Variants in HS3ST4 observed in about 807,000 individuals in gnomAD.
The protein encoded by HS3ST4 is heparan sulfate-glucosamine 3-sulfotransferase 4, also known as heparan sulfate glucosamine 3-O-sulfotransferase 4.
Under a neutral mutation model 29.2 loss-of-function variants are expected in HS3ST4, and 17 were observed. That is an observed-to-expected ratio of 0.58 (90% CI 0.40 to 0.87). HS3ST4 has a LOEUF of 0.87. HS3ST4 is among the 40% of genes least tolerant of loss of function. The pLI is 0.00. For synonymous variants in HS3ST4, 314 were observed against 285.7 expected (o/e 1.10, Z -1.00); for missense variants, 627 against 634.5 (o/e 0.99, Z 0.13).
chr16:26,012,447 T>C (rs1398667773), intron 1 of HS3ST4, among the ~76,000 whole-genome samples: 1 of 152,200 alleles, frequency 6.6e-6, no homozygotes, highest in Non-Finnish European at 1.5e-5. Flanking sequence ...GAACTGAAGA[T>C]TTCCTGAAAT....
At chr16:25,734,911 C>T (rs1248505550) in intron 1 of HS3ST4, among the ~76,000 whole-genome samples, 12 of 152,168 alleles carry the variant, frequency 7.9e-5, no homozygotes, top group Non-Finnish European at 8.8e-5. Flanking sequence ...CATCATTCCT[C>T]CTGGGGACAC....
At chr16:25,872,363 A>G (rs1967764040) in intron 1 of HS3ST4, among the ~76,000 whole-genome samples, 1 of 152,152 alleles carries the variant, frequency 6.6e-6, no homozygotes, top group Non-Finnish European at 1.5e-5. Flanking sequence ...ACCACCCTGA[A>G]CTTCGTGGCT....
In HS3ST4 at chr16:26,119,309, G is replaced by A. The variant is rs549173286; in HGVS notation, c.735-16303G>A. Among the ~76,000 whole-genome samples, 210 of 152,340 alleles carry A rather than the reference G, an allele frequency of 1.4e-3. 1 individual carries two copies. Among genetic ancestry groups the A allele is most frequent in the African/African-American group, 4.8e-3 (200 of 41,570 alleles). ...AGAGATGGGCCATTAGAGCAGTCAAGGCTGGAGAAGGCAGTGCTGTAGACA... is the reference window on the plus strand; with the variant it reads ...AGAGATGGGCCATTAGAGCAGTCAAAGCTGGAGAAGGCAGTGCTGTAGACA... On this transcript the variant is annotated intron_variant, in intron 1 of 1. Transcript: ENST00000331351.
chr16:26,086,419 G>A (rs545511971), intron 1 of HS3ST4, among the ~76,000 whole-genome samples: 1 of 151,166 alleles, frequency 6.6e-6, no homozygotes, highest in South Asian at 2.1e-4. Flanking sequence ...GCACGATCTC[G>A]GCTCACTGCA....
intron 1 of HS3ST4, among the ~76,000 whole-genome samples, chr16:26,031,397 T>C (rs1969529651): frequency 6.6e-6 from 1 of 152,188 alleles, no homozygotes; most frequent in African/African-American, 2.4e-5. Flanking sequence ...GACTCATTTC[T>C]ATTGGAATAA....
At chr16:25,828,288 CTTTCTTTCTTT>C (rs1967250546) in intron 1 of HS3ST4, among the ~76,000 whole-genome samples, 9 of 88,474 alleles carry the variant, frequency 1.0e-4, no homozygotes, top group South Asian at 9.3e-4. Context: ...TTCTTTCTTT[CTTTCTTTCTTT>C]CCCTCTCTCT....
chr16:26,107,264 C>T (rs575631052), intron 1 of HS3ST4, among the ~76,000 whole-genome samples: 1 of 151,790 alleles, frequency 6.6e-6, no homozygotes, highest in East Asian at 1.9e-4. Flanking sequence ...CACACACACA[C>T]ATATATATGT....
chr16:25,762,881 A>AAG (rs1374053172), intron 1 of HS3ST4, among the ~76,000 whole-genome samples: 1 of 138,702 alleles, frequency 7.2e-6, no homozygotes, highest in East Asian at 2.0e-4. Flanking sequence ...TGTCTCAAAA[A>AAG]AAAAAAAAAA....
intron 1 of HS3ST4, among the ~76,000 whole-genome samples, chr16:26,014,007 AAAATAAATAAATAAAT>A (rs142700276): frequency 1.4e-5 from 2 of 145,648 alleles, no homozygotes; most frequent in Non-Finnish European, 3.0e-5. Flanking sequence ...ACTCTGTCTC[AAAATAAATAAATAAAT>A]AAATAAATAA....
At chr16:25,864,417 G>A (rs982578887) in intron 1 of HS3ST4, among the ~76,000 whole-genome samples, 3 of 151,776 alleles carry the variant, frequency 2.0e-5, no homozygotes, top group African/African-American at 7.3e-5. Flanking sequence ...TTTAAAAGTA[G>A]TGACCAAACA....
intron 1 of HS3ST4, among the ~76,000 whole-genome samples, chr16:26,053,411 A>C (rs552328056): frequency 3.9e-5 from 6 of 152,336 alleles, no homozygotes; most frequent in African/African-American, 7.2e-5. Context: ...ATATACAGCA[A>C]CTTCCAGAAG....
At chr16:26,056,603 C>G (rs983700046) in intron 1 of HS3ST4, among the ~76,000 whole-genome samples, 4 of 152,164 alleles carry the variant, frequency 2.6e-5, no homozygotes, top group African/African-American at 9.7e-5. Flanking sequence ...TGACCTTTAC[C>G]TAATGTGTGC....
chr16:26,050,709 G>A (rs976288455), intron 1 of HS3ST4, among the ~76,000 whole-genome samples: 7 of 152,132 alleles, frequency 4.6e-5, no homozygotes, highest in East Asian at 1.9e-4. Context: ...TGCGTCCAGC[G>A]GACAGAGGCA....
chr16:26,020,472 A>G (rs1338177081), intron 1 of HS3ST4, among the ~76,000 whole-genome samples: 3 of 152,242 alleles, frequency 2.0e-5, no homozygotes, highest in African/African-American at 7.2e-5. Flanking sequence ...CAGAAAGAGC[A>G]GCGCTGTGAC....
rs541995124 is a variant in HS3ST4, at chr16:25,762,892, A to G, written c.734+69741A>G. On this transcript the variant is annotated intron_variant, in intron 1 of 1. Coordinates refer to ENST00000331351, the MANE Select transcript of HS3ST4 (RefSeq NM_006040.3). ...ACCCTGTCTCAAAAAAAAAAAAAAA[A>G]AAAAAAAGAAAAAAGAAAGAAAATG... 9.2e-4 allele frequency among the ~76,000 whole-genome samples: 139 copies of G among 150,456 alleles called. 1 individual carries two copies. The highest frequency in any genetic ancestry group is 1.5e-3 in the Non-Finnish European group (104 of 67,600).
intron 1 of HS3ST4, among the ~76,000 whole-genome samples, chr16:26,121,851 G>A (rs149179898): frequency 6.6e-6 from 1 of 152,268 alleles, no homozygotes; most frequent in Admixed American, 6.5e-5. Flanking sequence ...TCTGCAGAGG[G>A]GCACTCTTTG....
In HS3ST4 at chr16:25,875,157, C is replaced by G. The variant is rs543697947; in HGVS notation, c.734+182006C>G. On this transcript the variant is annotated intron_variant, in intron 1 of 1. Coordinates refer to ENST00000331351, the MANE Select transcript of HS3ST4 (RefSeq NM_006040.3). ...AGACAGATAATTAACAGCTGAACAA[C>G]CAGATAACCAAGACAAGTCCAGATA... Among the ~76,000 whole-genome samples the G allele has an allele frequency of 1.6e-4, 25 of 152,230 alleles. No individual in the cohort carries two copies. In the South Asian group the frequency reaches 5.2e-3, roughly 32 times the overall value.
intron 1 of HS3ST4, among the ~76,000 whole-genome samples, chr16:25,922,358 T>G (rs1968362578): frequency 6.6e-6 from 1 of 152,180 alleles, no homozygotes; most frequent in Non-Finnish European, 1.5e-5. Flanking sequence ...TTGTACCATG[T>G]GAGAACACAG....
chr16:25,887,046 C>T (rs1390982813), intron 1 of HS3ST4: 1 of 151,986 alleles, frequency 6.6e-6, no homozygotes, highest in African/African-American at 2.4e-5. Context: ...TTTTGTTTTG[C>T]TTCGTGGGAT....
Sources: allele counts gnomAD v4.1 joint callset (sites outside exome capture counted in the v4.1 genomes callset), GRCh38; gene constraint gnomAD v4.1.1; transcripts MANE v1.5; gene names NCBI Gene and HGNC (gene_info 2026-07-23, HGNC 2026-07-21).